CRYZ: variants seen among roughly 807,000 people sequenced by gnomAD.
CRYZ encodes the protein crystallin zeta.
CRYZ carries 35 observed loss-of-function variants against 34.1 expected under a neutral mutation model. The observed-to-expected ratio is 1.03, with a 90% CI of 0.78 to 1.36. CRYZ has a LOEUF of 1.36. Among genes scored for constraint, CRYZ ranks in the 40% most tolerant of loss-of-function variants. CRYZ has a pLI of 0.00. For synonymous variants in CRYZ, 137 were observed against 136.5 expected (o/e 1.00, Z -0.03); for missense variants, 403 against 391.8 (o/e 1.03, Z -0.24).
intron 5 of CRYZ, 55 bp from the exon 6 acceptor site, chr1:74,710,302 T>G (rs1418012065): frequency 1.3e-6 from 2 of 1,523,980 alleles, no homozygotes; most frequent in Non-Finnish European, 1.8e-6. Context: ...CTGTAAACAC[T>G]TAAATACATA....
intron 5 of CRYZ, 113 bp from the exon 6 acceptor site, chr1:74,710,360 TAA>T (rs1293773153): frequency 3.3e-6 from 3 of 917,458 alleles, no homozygotes; most frequent in African/African-American, 1.7e-5. Flanking sequence ...TTAAGGAACT[TAA>T]GAGTGTAAAT....
intron 4 of CRYZ, among the ~76,000 whole-genome samples, chr1:74,716,671 C>T (rs1397345309): frequency 6.6e-6 from 1 of 152,034 alleles, no homozygotes; most frequent in African/African-American, 2.4e-5. Flanking sequence ...ATTCTGAAAA[C>T]CCATATTCTC....
chr1:74,720,859 C>G (rs1647151675), intron 3 of CRYZ, among the ~76,000 whole-genome samples: 1 of 151,930 alleles, frequency 6.6e-6, no homozygotes, highest in African/African-American at 2.4e-5. Flanking sequence ...CTCAAGCATC[C>G]TAGACTCTCG....
chr1:74,732,610 G>C (rs1219127120), intron 1 of CRYZ, among the ~76,000 whole-genome samples: 6 of 80,400 alleles, frequency 7.5e-5, no homozygotes, highest in East Asian at 3.0e-4. Flanking sequence ...GGGGGGGGGG[G>C]GGGGGTGCAG....
At chr1:74,719,640 C>T (rs1003278128) in intron 3 of CRYZ, among the ~76,000 whole-genome samples, 16 of 151,802 alleles carry the variant, frequency 1.1e-4, no homozygotes, top group South Asian at 6.2e-4. Flanking sequence ...GGATTACAGG[C>T]GCGCACCACC....
At chr1:74,719,112 T>A in intron 4 of CRYZ, 97 bp downstream of exon 4, 2 of 1,278,306 alleles carry the variant, frequency 1.6e-6, no homozygotes, top group Non-Finnish European at 2.2e-6. Flanking sequence ...GGTAACCAAA[T>A]ATGATGAACA....
At chr1:74,711,854 G>A (rs1161904509) in intron 5 of CRYZ, among the ~76,000 whole-genome samples, 1 of 152,146 alleles carries the variant, frequency 6.6e-6, no homozygotes, top group Non-Finnish European at 1.5e-5. Context: ...TATGAGTATG[G>A]ACTCAAAAGG....
chr1:74,706,854 T>C (rs757206605), intron 8 of CRYZ, 45 bp downstream of exon 8: 3 of 1,511,228 alleles, frequency 2.0e-6, no homozygotes, highest in Non-Finnish European at 2.8e-6. Context: ...AGGCAAACTG[T>C]ACCAATGTTT....
Position 74,714,575 on chromosome 1 carries a change from T to C in CRYZ, c.480+4A>G. 6.2e-7 allele frequency: 1 copy of C among 1,613,004 alleles called. No individual in the cohort carries two copies. The highest frequency in any genetic ancestry group is 1.3e-5 in the African/African-American group (1 of 74,976). ...TTTCAAAATACATTAAAAAAAATACTTACTCCTCCACTTGCCCCATGAACC... is the reference window on the plus strand; with the variant it reads ...TTTCAAAATACATTAAAAAAAATACCTACTCCTCCACTTGCCCCATGAACC... On this transcript the variant is annotated splice_donor_region_variant and intron_variant, in intron 5 of 8. Transcript: ENST00000340866.
At chr1:74,707,323 G>C in intron 6 of CRYZ, 119 bp from the exon 7 acceptor site, 2 of 616,280 alleles carry the variant, frequency 3.2e-6, no homozygotes, top group Non-Finnish European at 5.6e-6. Flanking sequence ...CTACATCTTT[G>C]AGACTAATAA....
chr1:74,722,592 G>A (rs1284907330), intron 3 of CRYZ, among the ~76,000 whole-genome samples: 1 of 95,408 alleles, frequency 1.0e-5, no homozygotes, highest in African/African-American at 3.1e-5. Flanking sequence ...ATGTCTTTGG[G>A]CATATATATA....
At chr1:74,730,402 T>C (rs1038377388) in intron 1 of CRYZ, 1 of 152,186 alleles carries the variant, frequency 6.6e-6, no homozygotes, top group African/African-American at 2.4e-5. Flanking sequence ...GATCATCATA[T>C]GCTTCATAAC....
At chr1:74,723,343 G>T in intron 2 of CRYZ, 73 bp from the exon 3 acceptor site, 3 of 1,396,280 alleles carry the variant, frequency 2.1e-6, no homozygotes, top group Non-Finnish European at 1.9e-6. Context: ...GGACTGTGCT[G>T]ATTATGGGAG....
At chr1:74,726,664 G>C (rs1375670684) in intron 1 of CRYZ, among the ~76,000 whole-genome samples, 1 of 152,174 alleles carries the variant, frequency 6.6e-6, no homozygotes, top group East Asian at 1.9e-4. Context: ...CGGCTGGCTT[G>C]AATTTCTCCT....
intron 1 of CRYZ, among the ~76,000 whole-genome samples, chr1:74,727,548 C>A (rs1006379185): frequency 1.5e-5 from 2 of 133,640 alleles, no homozygotes; most frequent in South Asian, 5.2e-4. Flanking sequence ...AGGAGAATGG[C>A]GTCAACCCGG....
At chr1:74,715,815 A>G (rs910591500) in intron 4 of CRYZ, among the ~76,000 whole-genome samples, 3 of 152,046 alleles carry the variant, frequency 2.0e-5, no homozygotes, top group Non-Finnish European at 4.4e-5. Flanking sequence ...GAATCCTTGC[A>G]CAGAGTCGCT....
chr1:74,730,504 G>C (rs575809498), intron 1 of CRYZ: 1 of 152,158 alleles, frequency 6.6e-6, no homozygotes, highest in South Asian at 2.1e-4. Flanking sequence ...TGTAATACCG[G>C]ATTTCTTCTA....
rs188892748 is a variant in CRYZ at position 74,727,086 on chromosome 1, T to C, written c.-13-2252A>G. ...CAAGTCTCTAGGAAGTTCCAAACTT[T>C]CCCAAATCTTCCTGTCTTCTGAGCC... is the stretch of plus-strand genomic sequence containing the variant. On this transcript the variant is annotated intron_variant, in intron 1 of 8. Transcript: ENST00000340866. Among the ~76,000 whole-genome samples the C allele has an allele frequency of 2.8e-3, 424 of 151,912 alleles. 1 individual carries two copies. Among genetic ancestry groups the C allele is most frequent in the Middle Eastern group, 0.01 (3 of 294 alleles).
chr1:74,706,105 T>C lies in CRYZ; in HGVS notation c.*191A>G. ...TGATGACTCTTTGATTTGAGACAGATGGCATAAAAAAATATTGCTAGCTAT... is the reference window on the plus strand; with the variant it reads ...TGATGACTCTTTGATTTGAGACAGACGGCATAAAAAAATATTGCTAGCTAT... On this transcript the variant is annotated 3_prime_UTR_variant, in exon 9 of 9. Coordinates refer to ENST00000340866, the MANE Select transcript of CRYZ (RefSeq NM_001889.4). 2.1e-6 allele frequency: 1 copy of C among 475,170 alleles called. No homozygotes were observed. Among genetic ancestry groups the C allele is most frequent in the Non-Finnish European group, 3.7e-6 (1 of 269,844 alleles). 29.4% of individuals were successfully genotyped at this position (475,170 alleles called of 1,614,324 possible). A position where few individuals can be genotyped will look rare whatever the true frequency, so the allele number is the denominator to read the frequency against.
Sources: gnomAD v4.1 joint callset for allele counts (sites outside exome capture counted in the v4.1 genomes callset) on GRCh38, gnomAD v4.1.1 for gene constraint, MANE v1.5 for transcripts, NCBI Gene and HGNC (gene_info 2026-07-23, HGNC 2026-07-21) for gene names.